The following TPO variants were observed in gnomAD, a reference collection of about 807,000 sequenced individuals.
The protein encoded by TPO is thyroid microsomal antigen.
Under a neutral mutation model 96.9 loss-of-function variants are expected in TPO, and 78 were observed. The observed-to-expected ratio is 0.81, with a 90% CI of 0.67 to 0.97. The LOEUF is 0.97. Ranked by LOEUF, TPO falls within the 50% of genes least tolerant of loss-of-function variation. TPO has a pLI of 0.00. For synonymous variants in TPO, 547 were observed against 538.0 expected, an observed-to-expected ratio of 1.02 and a Z score of -0.23; for missense variants, 1,252 against 1,274.8, an observed-to-expected ratio of 0.98 and a Z score of 0.27.
intron 2 of TPO, among the ~76,000 whole-genome samples, chr2:1,422,271 C>T (rs188412205): frequency 1.0e-4 from 7 of 70,204 alleles, no homozygotes; most frequent in East Asian, 2.7e-4. Context: ...ATGGAAGGCG[C>T]GTGGGACTGA....
At chr2:1,481,812 A>G (rs1374528772) in intron 8 of TPO, among the ~76,000 whole-genome samples, 2 of 152,110 alleles carry the variant, frequency 1.3e-5, no homozygotes, top group Non-Finnish European at 2.9e-5. Context: ...GTGGCCTCCA[A>G]TGTTGGCTGA....
chr2:1,474,447 C>T (rs1306013814), intron 7 of TPO, among the ~76,000 whole-genome samples: 3 of 152,182 alleles, frequency 2.0e-5, no homozygotes, highest in Non-Finnish European at 2.9e-5. Flanking sequence ...ACAAAAGTTT[C>T]GCTGACTCTG....
chr2:1,480,824 C>CCACACCACCTCCCTCCT (rs1558339135), intron 8 of TPO, among the ~76,000 whole-genome samples: 1 of 133,744 alleles, frequency 7.5e-6, no homozygotes, highest in African/African-American at 2.6e-5. Context: ...CACACCACGT[C>CCACACCACCTCCCTCCT]CCTGCTGCTG....
chr2:1,490,661 A>C (rs998200213), intron 10 of TPO, among the ~76,000 whole-genome samples: 1 of 152,202 alleles, frequency 6.6e-6, no homozygotes, highest in Non-Finnish European at 1.5e-5. Context: ...CAACTTCCCC[A>C]GGTCTGAATT....
chr2:1,480,074 G>A (rs1670394357), intron 8 of TPO, among the ~76,000 whole-genome samples: 2 of 152,180 alleles, frequency 1.3e-5, no homozygotes, highest in South Asian at 4.2e-4. Context: ...GAGCCACTGC[G>A]CCCAGCTGCC....
At chr2:1,447,428 A>T (rs536170637) in intron 5 of TPO, among the ~76,000 whole-genome samples, 2 of 152,208 alleles carry the variant, frequency 1.3e-5, no homozygotes, top group African/African-American at 2.4e-5. Flanking sequence ...ACCAGTGTAC[A>T]TCTTACATGT....
intron 1 of TPO, among the ~76,000 whole-genome samples, chr2:1,402,503 CTACTGA>C (rs1662188712): frequency 6.6e-6 from 1 of 152,058 alleles, no homozygotes; most frequent in South Asian, 2.1e-4. Flanking sequence ...CATTTTCGTG[CTACTGA>C]TAAAGACATA....
intron 5 of TPO, among the ~76,000 whole-genome samples, chr2:1,443,683 T>G (rs11686114): frequency 6.0e-5 from 7 of 117,170 alleles, no homozygotes; most frequent in Admixed American, 1.6e-4. Flanking sequence ...AGGAGGCACC[T>G]TGTTGGAAGG....
Position 1,454,423 on chromosome 2 carries a change from C to T in TPO, c.612+600C>T, listed in dbSNP as rs28909409. ...CGCAGGTGGTGGGACTCAGGTCTGA[C>T]TCAGACCAGCTGTGGACAGATACAC... On this transcript the variant is annotated intron_variant, in intron 6 of 16. Transcript: ENST00000329066. Among the ~76,000 whole-genome samples, 164 of 152,342 alleles carry T rather than the reference C, an allele frequency of 1.1e-3. 1 individual carries two copies. The East Asian group carries it at 0.026, about 24-fold the overall frequency.
At chr2:1,484,006 A>C (rs1381359837) in intron 8 of TPO, among the ~76,000 whole-genome samples, 1 of 152,202 alleles carries the variant, frequency 6.6e-6, no homozygotes, top group Non-Finnish European at 1.5e-5. Context: ...TTATTGACCA[A>C]AATATTCCCC....
In TPO at chr2:1,501,562, G is replaced by A. The variant is rs142955775; in HGVS notation, c.2387-2386G>A. 2.0e-3 allele frequency among the ~76,000 whole-genome samples: 310 copies of A among 152,318 alleles called. 2 individuals are homozygous for A. Among genetic ancestry groups the A allele is most frequent in the African/African-American group, 7.0e-3 (292 of 41,578 alleles). On this transcript the variant is annotated intron_variant, in intron 13 of 16. Coordinates refer to ENST00000329066, the MANE Select transcript of TPO (RefSeq NM_001206744.2). ...AAAGCTATGCTCAAGTTCTAGCCCC[G>A]TGTACCTCTGCATGTGGCCTGATGA...
chr2:1,494,058 C>T lies in TPO; in HGVS notation c.2006+19C>T, dbSNP rs189227782. 1.7e-5 allele frequency: 28 copies of T among 1,610,960 alleles called. No individual in the cohort carries two copies. The highest frequency in any genetic ancestry group is 3.3e-5 in the Admixed American group (2 of 60,018). ...GTGACTGGTACGTTCCTATCCAGAG[C>T]GTCTTCCTTCACGTTCTGCACAGAG... On this transcript the variant is annotated intron_variant, in intron 11 of 16. Coordinates refer to ENST00000329066, the MANE Select transcript of TPO (RefSeq NM_001206744.2).
rs929014692 is a variant in TPO at position 1,477,204 on chromosome 2, C to A, written c.938C>A (p.Pro313Gln). The change falls in exon 8 of 17, where the codon CCG (proline) becomes CAG (glutamine). Residue 313 changes from proline to glutamine, a missense_variant. Coordinates refer to ENST00000329066, the MANE Select transcript of TPO (RefSeq NM_001206744.2). ...ALFGNLSTANPRQQMNGLTSF... is the reference protein window; with the variant it reads ...ALFGNLSTANQRQQMNGLTSF... The stretch of plus-strand genomic sequence containing the variant: ...TTTGGGAACCTGTCCACGGCCAACC[C>A]GCGGCAGCAGATGAACGGGTTGACC... 1 of 1,609,962 alleles carries A rather than the reference C, an allele frequency of 6.2e-7. No homozygotes were observed. The highest frequency in any genetic ancestry group is 1.1e-5 in the South Asian group (1 of 90,070).
chr2:1,429,613 A>C (rs1207844547), intron 3 of TPO, among the ~76,000 whole-genome samples: 1 of 152,186 alleles, frequency 6.6e-6, no homozygotes, highest in Non-Finnish European at 1.5e-5. Context: ...CGCTGGTAGA[A>C]ATAAGGACAG....
At chr2:1,423,653 A>T (rs984713649) in intron 3 of TPO, among the ~76,000 whole-genome samples, 2 of 152,212 alleles carry the variant, frequency 1.3e-5, no homozygotes, top group Non-Finnish European at 2.9e-5. Flanking sequence ...AAAACAAAAA[A>T]CCTGTAAAGC....
At chr2:1,522,838 A>C (rs1218616083) in intron 15 of TPO, among the ~76,000 whole-genome samples, 4 of 51,254 alleles carry the variant, frequency 7.8e-5, no homozygotes, top group South Asian at 6.7e-4. Flanking sequence ...GCAAAACCCC[A>C]AATCCCCCCA....
intron 10 of TPO, 30 bp downstream of exon 10, chr2:1,488,021 A>G: frequency 1.2e-6 from 2 of 1,611,110 alleles, no homozygotes; most frequent in Non-Finnish European, 1.7e-6. Context: ...TGCACACCTC[A>G]TGCAGCTGCT....
chr2:1,376,549 G>A (rs898890624), intron 1 of TPO, among the ~76,000 whole-genome samples: 1 of 152,256 alleles, frequency 6.6e-6, no homozygotes, highest in Admixed American at 6.5e-5. Flanking sequence ...GCACCAGCGT[G>A]GGGCTGAGGC....
chr2:1,510,844 A>T (rs1458959538), intron 14 of TPO, among the ~76,000 whole-genome samples: 1 of 151,904 alleles, frequency 6.6e-6, no homozygotes, highest in Non-Finnish European at 1.5e-5. Flanking sequence ...GATATTGATT[A>T]TGGATAGAGA....
Sources: gnomAD v4.1 joint callset for allele counts (sites outside exome capture counted in the v4.1 genomes callset) on GRCh38, gnomAD v4.1.1 for gene constraint, MANE v1.5 for transcripts, NCBI Gene and HGNC (gene_info 2026-07-23, HGNC 2026-07-21) for gene names.